The following C1orf94 variants were observed in gnomAD, a reference collection of about 807,000 sequenced individuals.
C1orf94 encodes the protein uncharacterized protein C1orf94.
Under a neutral mutation model 53.6 loss-of-function variants are expected in C1orf94, and 45 were observed. The ratio of observed to expected loss-of-function variants is 0.84; its 90% CI spans 0.66 to 1.08. C1orf94 has a LOEUF of 1.08. Ranked by LOEUF, C1orf94 falls within the 50% of genes least tolerant of loss-of-function variation. The pLI, the probability that C1orf94 is intolerant of heterozygous loss-of-function variation, is 0.00. For synonymous variants in C1orf94, 304 were observed against 296.1 expected, an observed-to-expected ratio of 1.03 and a Z score of -0.27; for missense variants, 762 against 738.9, an observed-to-expected ratio of 1.03 and a Z score of -0.36.
intron 1 of C1orf94, among the ~76,000 whole-genome samples, chr1:34,192,670 A>C (rs1231343534): frequency 6.6e-6 from 1 of 152,210 alleles, no homozygotes; most frequent in Non-Finnish European, 1.5e-5. Context: ...TGAAGAAAAT[A>C]AACAGATTGA....
At chr1:34,191,983 G>A (rs926115749) in intron 1 of C1orf94, among the ~76,000 whole-genome samples, 1 of 152,160 alleles carries the variant, frequency 6.6e-6, no homozygotes, top group Non-Finnish European at 1.5e-5. Flanking sequence ...AGCAGAGGTG[G>A]CACCGCGTGG....
chr1:34,177,643 C>A lies in C1orf94; in HGVS notation c.-147C>A. ...GCAAATAAAAACAAATCAAAATAAG[C>A]CCTCCCCTCCCCAAAAGAAAGCTGT... On this transcript the variant is annotated 5_prime_UTR_variant, in exon 1 of 7. Transcript: ENST00000488417. The A allele has an allele frequency of 1.5e-6, 1 of 652,630 alleles. No homozygotes were observed. Among genetic ancestry groups the A allele is most frequent in the Non-Finnish European group, 2.5e-6 (1 of 394,986 alleles). 40.4% of individuals were successfully genotyped at this position (652,630 alleles called of 1,614,324 possible). A position where few individuals can be genotyped will look rare whatever the true frequency, so the allele number is the denominator to read the frequency against.
intron 1 of C1orf94, among the ~76,000 whole-genome samples, chr1:34,181,222 T>G (rs909307323): frequency 1.3e-5 from 2 of 152,182 alleles, no homozygotes; most frequent in Non-Finnish European, 2.9e-5. Context: ...TCCCAGAATG[T>G]TTTTGTCTCT....
chr1:34,180,311 T>C (rs569465888), intron 1 of C1orf94, among the ~76,000 whole-genome samples: 3 of 152,352 alleles, frequency 2.0e-5, no homozygotes, highest in Non-Finnish European at 4.4e-5. Flanking sequence ...GTAGGTACTC[T>C]TTTAAACTTT....
chr1:34,167,622 CGGGGGCCCT>C (rs1557471388), intron 1 of C1orf94, among the ~76,000 whole-genome samples: 6 of 116,974 alleles, frequency 5.1e-5, no homozygotes, highest in Non-Finnish European at 1.2e-4. Flanking sequence ...CTCCTGTGCT[CGGGGGCCCT>C]GAGCGAGGCT....
rs774050391 is a variant in C1orf94 at position 34,200,835 on chromosome 1, C to T, written c.1073C>T (p.Pro358Leu). ...GQGSLFLSQW[P>L]QSQKDACGEE... ...GGGAGCCTCTTTCTCAGCCAGTGGC[C>T]CCAGAGCCAGAAGGACGCCTGTGGT... is the stretch of plus-strand genomic sequence containing the variant. Residue 358 changes from proline (P) to leucine (L), a missense_variant, in exon 3 of 7, where the codon CCC (proline) becomes CTC (leucine). Transcript: ENST00000488417. 3.1e-6 allele frequency: 5 copies of T among 1,614,010 alleles called. No individual in the cohort carries two copies. The highest frequency in any genetic ancestry group is 4.2e-6 in the Non-Finnish European group (5 of 1,180,042).
intron 4 of C1orf94, among the ~76,000 whole-genome samples, chr1:34,205,631 T>C (rs1642779763): frequency 6.6e-6 from 1 of 152,212 alleles, no homozygotes; most frequent in African/African-American, 2.4e-5. Flanking sequence ...ACACAGATGT[T>C]GGTTTTTATT....
At chr1:34,188,658 G>A (rs954538447) in intron 1 of C1orf94, among the ~76,000 whole-genome samples, 1 of 152,142 alleles carries the variant, frequency 6.6e-6, no homozygotes, top group African/African-American at 2.4e-5. Flanking sequence ...TTTGCATAGC[G>A]CTCGTTACAA....
At chr1:34,175,826 G>A (rs529999561), upstream of C1orf94, among the ~76,000 whole-genome samples, 102 of 152,138 alleles carry the variant, frequency 6.7e-4, no homozygotes, top group Non-Finnish European at 1.1e-3. Flanking sequence ...GACCACCATG[G>A]AATATTGCCT....
At chr1:34,182,262 C>G (rs765925154) in intron 1 of C1orf94, among the ~76,000 whole-genome samples, 1 of 152,006 alleles carries the variant, frequency 6.6e-6, no homozygotes, top group African/African-American at 2.4e-5. Flanking sequence ...AGAGGGACAG[C>G]GAGACGGGAG....
chr1:34,179,918 G>A (rs1642289993), intron 1 of C1orf94, among the ~76,000 whole-genome samples: 1 of 152,148 alleles, frequency 6.6e-6, no homozygotes, highest in African/African-American at 2.4e-5. Flanking sequence ...TCTGAGTAGG[G>A]CTGAATTTGA....
chr1:34,176,278 C>T (rs1236854632), upstream of C1orf94, among the ~76,000 whole-genome samples: 1 of 152,186 alleles, frequency 6.6e-6, no homozygotes. Context: ...CTTCTTTCTT[C>T]CGTCTCCACC....
At chr1:34,204,475 A>G (rs1437580194) in intron 4 of C1orf94, among the ~76,000 whole-genome samples, 1 of 152,096 alleles carries the variant, frequency 6.6e-6, no homozygotes, top group Non-Finnish European at 1.5e-5. Context: ...TTAGTAGTCT[A>G]TTGTCATGGA....
intron 6 of C1orf94, among the ~76,000 whole-genome samples, chr1:34,217,036 T>C (rs1643000106): frequency 6.6e-6 from 1 of 152,148 alleles, no homozygotes; most frequent in Admixed American, 6.5e-5. Flanking sequence ...GTCAAGATCA[T>C]GCCACTGCAC....
chr1:34,186,397 T>G (rs986232493), intron 1 of C1orf94, among the ~76,000 whole-genome samples: 5 of 152,188 alleles, frequency 3.3e-5, no homozygotes, highest in Non-Finnish European at 7.3e-5. Context: ...CATTCCACCA[T>G]CATCATTGTC....
chr1:34,180,930 T>C (rs1642303177), intron 1 of C1orf94, among the ~76,000 whole-genome samples: 1 of 152,200 alleles, frequency 6.6e-6, no homozygotes, highest in African/African-American at 2.4e-5. Context: ...GAAGCCATCT[T>C]CCGCTGCTCG....
intron 2 of C1orf94, among the ~76,000 whole-genome samples, chr1:34,200,200 C>G (rs1478518516): frequency 6.6e-6 from 1 of 152,190 alleles, no homozygotes; most frequent in African/African-American, 2.4e-5. Context: ...AAGTGTGTGG[C>G]TCAGACCACA....
rs1557488502 is a variant in C1orf94, at chr1:34,207,265, GTGTGT to G, written c.1447-891_1447-887del. ...TGCCACAGCAGCAGTTCTGCGGGGT[GTGTGT>G]GTGTGTGTGTGTGTGTGTGTGTGTG... On this transcript the variant is annotated intron_variant, in intron 4 of 6. Transcript: ENST00000488417. 7.6e-3 allele frequency among the ~76,000 whole-genome samples: 76 copies of G among 10,018 alleles called. No homozygotes were observed. The South Asian group carries it at 0.14, about 18-fold the overall frequency. 6.6% of individuals were successfully genotyped at this position (10,018 alleles called of 152,430 possible).
upstream of C1orf94, among the ~76,000 whole-genome samples, chr1:34,175,697 AT>A (rs1557474842): frequency 3.3e-5 from 5 of 152,162 alleles, no homozygotes; most frequent in South Asian, 1.0e-3. Flanking sequence ...TCCAACACAT[AT>A]TTTTTGAGTG....
Sources: gnomAD v4.1 joint callset for allele counts (sites outside exome capture counted in the v4.1 genomes callset) on GRCh38, gnomAD v4.1.1 for gene constraint, MANE v1.5 for transcripts, NCBI Gene and HGNC (gene_info 2026-07-23, HGNC 2026-07-21) for gene names.